LARGE1: variants seen among roughly 807,000 people sequenced by gnomAD.
LARGE1 encodes xylosyl- and glucuronyltransferase LARGE1.
LARGE1 carries 43 observed loss-of-function variants against 87.6 expected under a neutral mutation model. That is an observed-to-expected ratio of 0.49 (90% CI 0.38 to 0.63). The LOEUF (loss-of-function observed/expected upper bound fraction) is 0.63. Among genes scored for constraint, LARGE1 ranks in the 30% least tolerant of loss-of-function variants. The pLI, the probability that LARGE1 is intolerant of heterozygous loss-of-function variation, is 0.00. For missense variants in LARGE1, 802 were observed against 1,000.2 expected (o/e 0.80, Z 2.67); for synonymous variants, 434 against 394.6 (o/e 1.10, Z -1.18).
chr22:33,350,211 A>G (rs926418699), intron 9 of LARGE1, among the ~76,000 whole-genome samples: 6 of 152,162 alleles, frequency 3.9e-5, no homozygotes, highest in Admixed American at 1.3e-4. Flanking sequence ...TATGCTATAA[A>G]ATGGGGGTAA....
chr22:33,182,237 A>G (rs1923209835), intron 11 of LARGE1, among the ~76,000 whole-genome samples: 1 of 152,218 alleles, frequency 6.6e-6, no homozygotes, highest in Non-Finnish European at 1.5e-5. Context: ...TTGAGTTTAG[A>G]ATTTTTTATT....
At chr22:33,104,613 G>C in the LARGE1 span, among the ~76,000 whole-genome samples, 1 of 152,254 alleles carries the variant, frequency 6.6e-6, no homozygotes. Flanking sequence ...GCTATAGGAA[G>C]AGTAGGGAGG....
the LARGE1 span, among the ~76,000 whole-genome samples, chr22:33,088,281 T>TG: frequency 6.6e-6 from 1 of 152,092 alleles, no homozygotes; most frequent in Non-Finnish European, 1.5e-5. Flanking sequence ...CATGGCATCA[T>TG]GGAAAAAGCA....
intron 12 of LARGE1, among the ~76,000 whole-genome samples, chr22:33,288,779 T>C (rs1932004438): frequency 6.6e-6 from 1 of 152,112 alleles, no homozygotes; most frequent in Non-Finnish European, 1.5e-5. Context: ...TCTGTTCTTG[T>C]CCCCTACATG....
intron 6 of LARGE1, among the ~76,000 whole-genome samples, chr22:33,502,008 CGTG>C (rs555190891): frequency 5.5e-4 from 83 of 152,122 alleles, no homozygotes; most frequent in African/African-American, 1.9e-3. Context: ...GCCTGGTCAA[CGTG>C]GTGAAACCCC....
chr22:33,304,035 G>C (rs1332596751), intron 12 of LARGE1, among the ~76,000 whole-genome samples, 194 bp downstream of exon 12: 1 of 152,274 alleles, frequency 6.6e-6, no homozygotes, highest in South Asian at 2.1e-4. Context: ...GCAAACTCAG[G>C]TTTCAGTCTG....
intron 2 of LARGE1, among the ~76,000 whole-genome samples, chr22:33,660,406 G>C (rs114265664): frequency 6.6e-6 from 1 of 152,164 alleles, no homozygotes; most frequent in African/African-American, 2.4e-5. Flanking sequence ...AATGATAACA[G>C]TGTATACTAG....
At chr22:33,280,894 T>G (rs1345998217) in intron 13 of LARGE1, among the ~76,000 whole-genome samples, 1 of 152,220 alleles carries the variant, frequency 6.6e-6, no homozygotes, top group Non-Finnish European at 1.5e-5. Flanking sequence ...GCAGGAGGTC[T>G]GGGCTAGGCT....
the LARGE1 span, among the ~76,000 whole-genome samples, chr22:33,113,021 G>A: frequency 6.6e-6 from 1 of 152,060 alleles, no homozygotes; most frequent in Middle Eastern, 3.2e-3. Flanking sequence ...TTCAAGTCTC[G>A]TTGCTCAGAG....
At chr22:33,230,075 G>A (rs1015288984) in intron 11 of LARGE1, among the ~76,000 whole-genome samples, 4 of 140,460 alleles carry the variant, frequency 2.8e-5, no homozygotes, top group Non-Finnish European at 6.0e-5. Flanking sequence ...ACAGTGGTGC[G>A]ATCTTTGCTC....
the LARGE1 span, among the ~76,000 whole-genome samples, chr22:33,093,207 G>C: frequency 1.3e-5 from 2 of 152,214 alleles, no homozygotes; most frequent in Non-Finnish European, 1.5e-5. Context: ...CAATGAGTCT[G>C]ACTTTCATTG....
intron 2 of LARGE1, among the ~76,000 whole-genome samples, chr22:33,657,409 C>T (rs1459152600): frequency 6.6e-6 from 1 of 152,172 alleles, no homozygotes; most frequent in African/African-American, 2.4e-5. Flanking sequence ...TAATCTTATC[C>T]TAAAACAGGG....
intron 11 of LARGE1, among the ~76,000 whole-genome samples, chr22:33,179,489 C>T (rs1923050978): frequency 6.6e-6 from 1 of 152,098 alleles, no homozygotes; most frequent in Non-Finnish European, 1.5e-5. Context: ...CTTCATGATG[C>T]TTTCTGTGAG....
intron 2 of LARGE1, among the ~76,000 whole-genome samples, chr22:33,711,059 A>C (rs753818008): frequency 1.3e-5 from 2 of 152,122 alleles, no homozygotes; most frequent in Non-Finnish European, 2.9e-5. Context: ...GATCCCAAGC[A>C]AGCAAGAGAG....
chr22:33,825,715 T>C (rs1000617055), intron 1 of LARGE1, among the ~76,000 whole-genome samples: 3 of 152,136 alleles, frequency 2.0e-5, no homozygotes, highest in Non-Finnish European at 4.4e-5. Context: ...CAATTCAAGG[T>C]GAGATTTGGG....
chr22:33,425,698 G>A (rs1334668007), intron 7 of LARGE1, among the ~76,000 whole-genome samples: 1 of 152,120 alleles, frequency 6.6e-6, no homozygotes, highest in African/African-American at 2.4e-5. Flanking sequence ...AGTAAAACTG[G>A]GAAATGCTTC....
At chr22:33,258,179 C>T (rs1927421364) in intron 11 of LARGE1, among the ~76,000 whole-genome samples, 1 of 152,120 alleles carries the variant, frequency 6.6e-6, no homozygotes, top group African/African-American at 2.4e-5. Context: ...TACAGGCATC[C>T]ACCACCACGC....
chr22:33,201,906 G>A (rs144753726), intron 11 of LARGE1, among the ~76,000 whole-genome samples: 4,596 of 152,252 alleles, frequency 0.03, 96 homozygotes, highest in Admixed American at 0.057. Context: ...GGGAGGCCGA[G>A]GTGGGTAGAT....
At chr22:33,337,908 T>C (rs1938668705) in intron 9 of LARGE1, 107 bp from the exon 10 acceptor site, 2 of 1,230,224 alleles carry the variant, frequency 1.6e-6, no homozygotes, top group African/African-American at 1.5e-5. Context: ...TATTTGAGGG[T>C]CTGCTCATTC....
Sources: gnomAD v4.1 joint callset for allele counts (sites outside exome capture counted in the v4.1 genomes callset) on GRCh38, gnomAD v4.1.1 for gene constraint, MANE v1.5 for transcripts, NCBI Gene and HGNC (gene_info 2026-07-23, HGNC 2026-07-21) for gene names.